Variants in OR5K1 observed in about 807,000 individuals in gnomAD.
The protein encoded by OR5K1 is olfactory receptor family 5 subfamily K member 1.
In OR5K1, 7 loss-of-function variants were observed where a neutral mutation model predicts 10.4. The ratio of observed to expected loss-of-function variants is 0.67; its 90% CI spans 0.38 to 1.26. The LOEUF is 1.26. Ranked by LOEUF, OR5K1 falls within the 50% of genes most tolerant of loss-of-function variation. OR5K1 has a pLI of 0.02. For synonymous variants in OR5K1, 135 were observed against 128.5 expected (o/e 1.05, Z -0.34); for missense variants, 435 against 366.2 (o/e 1.19, Z -1.53).
rs776451566 is a variant in OR5K1 at position 98,470,015 on chromosome 3, G to C, written c.439G>C (p.Gly147Arg). 6.2e-7 allele frequency: 1 copy of C among 1,613,672 alleles called. No individual in the cohort carries two copies. Among genetic ancestry groups the C allele is most frequent in the Admixed American group, 1.7e-5 (1 of 59,878 alleles). ...SKKLCIQMTT[G>R]AFIAGNLHSM... ...GAAACTCTGCATTCAGATGACCACA[G>C]GGGCCTTCATAGCTGGAAACCTGCA... Residue 147 changes from glycine (G) to arginine (R), a missense_variant, in exon 2 of 2, where the codon GGG (glycine) becomes CGG (arginine). Gly to Arg is a moderately radical substitution (Grantham distance 125). Transcript: ENST00000642057.
rs538596173 is a variant in OR5K1 at position 98,472,639 on chromosome 3, A to T, written c.*2136A>T. The T allele has an allele frequency of 6.6e-6, 1 of 152,126 alleles. No homozygotes were observed. Among genetic ancestry groups the T allele is most frequent in the Admixed American group, 6.6e-5 (1 of 15,234 alleles). 9.4% of individuals were successfully genotyped at this position (152,126 alleles called of 1,614,324 possible). On this transcript the variant is annotated 3_prime_UTR_variant, in exon 2 of 2. Transcript: ENST00000642057. ...TTTATGGAGTAAAATTGGACTCAAA[A>T]ATGAGACTCTGTCTTAGTCTATTCT...
At position 98,470,449 on chromosome 3, in the gene OR5K1, C is replaced by A. The variant is rs759952685; in HGVS notation, c.873C>A (p.Ser291Arg). 6.3e-7 allele frequency: 1 copy of A among 1,592,316 alleles called. No homozygotes were observed. Among genetic ancestry groups the A allele is most frequent in the Non-Finnish European group, 8.6e-7 (1 of 1,162,368 alleles). ...CCTTACTAAATCCTTTCATTTATAG[C>A]CTGAGAAATAGGGAAGTAATAAGTG... Reference protein sequence around the residue: ...VVPLLNPFIYSLRNREVISVL... With the variant: ...VVPLLNPFIYRLRNREVISVL... The change falls in exon 2 of 2, where the codon AGC (serine) becomes AGA (arginine). Residue 291 changes from serine to arginine, a missense_variant. Ser to Arg is a moderately radical substitution (Grantham distance 110). Transcript: ENST00000642057.
intron 1 of OR5K1, among the ~76,000 whole-genome samples, chr3:98,465,670 C>T (rs991182307): frequency 1.1e-4 from 17 of 152,040 alleles, no homozygotes; most frequent in Admixed American, 9.2e-4. Context: ...AATTATGTTT[C>T]TCTGATTAGT....
intron 1 of OR5K1, among the ~76,000 whole-genome samples, chr3:98,468,002 G>A (rs938467533): frequency 3.3e-5 from 5 of 152,086 alleles, no homozygotes; most frequent in Non-Finnish European, 5.9e-5. Context: ...AATGCTTCCA[G>A]TTTTTAACCT....
intron 1 of OR5K1, among the ~76,000 whole-genome samples, chr3:98,467,152 AG>A (rs1365081408): frequency 9.8e-6 from 1 of 102,302 alleles, no homozygotes; most frequent in Non-Finnish European, 1.9e-5. Flanking sequence ...TTTATTAAAT[AG>A]GGAATCCTTT....
In OR5K1 at chr3:98,469,738, G is replaced by C. The variant is rs1010608335; in HGVS notation, c.162G>C (p.Arg54=). The C allele has an allele frequency of 6.2e-7, 1 of 1,613,796 alleles. No homozygotes were observed. Among genetic ancestry groups the C allele is most frequent in the East Asian group, 2.2e-5 (1 of 44,862 alleles). Reference sequence around the variant, plus strand: ...TGGCACTGATATTTACACACCGTCGGCTTCACACACCAATGTACATCTTTC... The same window carrying C: ...TGGCACTGATATTTACACACCGTCGCCTTCACACACCAATGTACATCTTTC... ...SLVALIFTHR[R]LHTPMYIFLG... is the part of the protein sequence containing the mutation. Residue 54 remains arginine (R), a synonymous_variant, in exon 2 of 2, where the codon CGG becomes CGC. Transcript: ENST00000642057.
chr3:98,468,125 T>C (rs1316929323), intron 1 of OR5K1, among the ~76,000 whole-genome samples: 3 of 152,064 alleles, frequency 2.0e-5, no homozygotes, highest in African/African-American at 7.2e-5. Context: ...AGGCATTTTT[T>C]CTCATTTCCC....
chr3:98,470,018 G>A lies in OR5K1; in HGVS notation c.442G>A (p.Ala148Thr), dbSNP rs1200757531. The change falls in exon 2 of 2, where the codon GCC (alanine) becomes ACC (threonine). Residue 148 changes from alanine to threonine, a missense_variant. By Grantham distance (58) the Ala-to-Thr change is moderately conservative (BLOSUM62 0). Coordinates refer to ENST00000642057, the MANE Select transcript of OR5K1 (RefSeq NM_001004736.4). ...KKLCIQMTTGAFIAGNLHSMI... is the reference protein window; with the variant it reads ...KKLCIQMTTGTFIAGNLHSMI... ...ACTCTGCATTCAGATGACCACAGGG[G>A]CCTTCATAGCTGGAAACCTGCATTC... is the stretch of plus-strand genomic sequence containing the variant. 1 of 1,613,650 alleles carries A rather than the reference G, an allele frequency of 6.2e-7. No homozygotes were observed. Among genetic ancestry groups the A allele is most frequent in the East Asian group, 2.2e-5 (1 of 44,864 alleles).
At chr3:98,468,936 A>G (rs1705408434) in intron 1 of OR5K1, among the ~76,000 whole-genome samples, 2 of 152,242 alleles carry the variant, frequency 1.3e-5, no homozygotes, top group Non-Finnish European at 2.9e-5. Flanking sequence ...TCTTTCTGTC[A>G]AGACCTCAAA....
chr3:98,466,348 G>A (rs71311382), intron 1 of OR5K1, among the ~76,000 whole-genome samples: 22,159 of 110,678 alleles, frequency 0.2, 2,744 homozygotes, highest in East Asian at 0.42. Flanking sequence ...GAATAATGCC[G>A]CAGTAAACAT....
chr3:98,464,897 T>A (rs971953621), intron 1 of OR5K1, among the ~76,000 whole-genome samples: 6 of 152,180 alleles, frequency 3.9e-5, no homozygotes, highest in African/African-American at 1.4e-4. Context: ...GCTCAATGAA[T>A]CCATTGTAAC....
intron 1 of OR5K1, among the ~76,000 whole-genome samples, chr3:98,466,650 T>G (rs1200625559): frequency 8.8e-6 from 1 of 114,058 alleles, no homozygotes; most frequent in Non-Finnish European, 1.7e-5. Flanking sequence ...TGATGGCCAG[T>G]GATGATGAGC....
rs1025878290 is a variant in OR5K1, at chr3:98,471,813, A to G, written c.*1310A>G. 3.3e-5 allele frequency: 5 copies of G among 152,086 alleles called. No homozygotes were observed. The highest frequency in any genetic ancestry group is 6.6e-5 in the Admixed American group (1 of 15,248). 9.4% of individuals were successfully genotyped at this position (152,086 alleles called of 1,614,324 possible). ...ATGCTGAGTCTGTACAGAAAAAGTAATAGGAGAGCAGATGAATTTCCAATT... is the reference window on the plus strand; with the variant it reads ...ATGCTGAGTCTGTACAGAAAAAGTAGTAGGAGAGCAGATGAATTTCCAATT... On this transcript the variant is annotated 3_prime_UTR_variant, in exon 2 of 2. Coordinates refer to ENST00000642057, the MANE Select transcript of OR5K1 (RefSeq NM_001004736.4).
rs1488291737 is a variant in OR5K1 at position 98,471,597 on chromosome 3, T to G, written c.*1094T>G. ...TACAAAAAATGCCAGTTTTTCCATC[T>G]TCTCGAAGAATAGAATATTGCCACA... is the stretch of plus-strand genomic sequence containing the variant. On this transcript the variant is annotated 3_prime_UTR_variant, in exon 2 of 2. Transcript: ENST00000642057. 6.6e-6 allele frequency: 1 copy of G among 152,002 alleles called. No individual in the cohort carries two copies. Among genetic ancestry groups the G allele is most frequent in the Admixed American group, 6.6e-5 (1 of 15,232 alleles). 9.4% of individuals were successfully genotyped at this position (152,002 alleles called of 1,614,324 possible).
In OR5K1 at chr3:98,471,427, C is replaced by G. The variant is rs1705445996; in HGVS notation, c.*924C>G. ...TAATTTTTTTTTCTTTTCACTATTG[C>G]AAAACCTGAAGTTGGTATTGTGGGT... On this transcript the variant is annotated 3_prime_UTR_variant, in exon 2 of 2. Transcript: ENST00000642057. 1 of 151,784 alleles carries G rather than the reference C, an allele frequency of 6.6e-6. No individual in the cohort carries two copies. The highest frequency in any genetic ancestry group is 6.6e-5 in the Admixed American group (1 of 15,216). 9.4% of individuals were successfully genotyped at this position (151,784 alleles called of 1,614,324 possible).
rs1397278914 is a variant in OR5K1, at chr3:98,470,228, T to C, written c.652T>C (p.Tyr218His). Residue 218 changes from tyrosine to histidine, a missense_variant, in exon 2 of 2, where the codon TAT becomes CAT. Tyr to His is a moderately conservative substitution (Grantham distance 83, BLOSUM62 2). Coordinates refer to ENST00000642057, the MANE Select transcript of OR5K1 (RefSeq NM_001004736.4). Reference sequence around the variant, plus strand: ...TACCATAGGTAGTGTCTTAATATCTTATCTCTATATTCTTCTTACTATTTT... The same window carrying C: ...TACCATAGGTAGTGTCTTAATATCTCATCTCTATATTCTTCTTACTATTTT... ...VFTIGSVLIS[Y>H]LYILLTIFKM... 1.2e-5 allele frequency: 19 copies of C among 1,613,254 alleles called. No homozygotes were observed. Among genetic ancestry groups the C allele is most frequent in the Non-Finnish European group, 1.6e-5 (19 of 1,179,532 alleles).
rs1225288520 is a variant in OR5K1, at chr3:98,471,196, A to G, written c.*693A>G. On this transcript the variant is annotated 3_prime_UTR_variant, in exon 2 of 2. Transcript: ENST00000642057. ...ATCTACTCCCATATCTACCTGCATA[A>G]ATATACCATAACACAAACTTCCAGA... 3.9e-5 allele frequency: 6 copies of G among 152,020 alleles called. No individual in the cohort carries two copies. In the East Asian group the frequency reaches 1.2e-3, roughly 29 times the overall value. 9.4% of individuals were successfully genotyped at this position (152,020 alleles called of 1,614,324 possible).
rs1441067442 is a variant in OR5K1, at chr3:98,472,392, CT to C, written c.*1893del. On this transcript the variant is annotated 3_prime_UTR_variant, in exon 2 of 2. Transcript: ENST00000642057. ...GGATTTTGAAAGCTTACATGGGTCCCTTTTGAAGGTCCCTTTTGCACATAGG... is the reference window on the plus strand; with the variant it reads ...GGATTTTGAAAGCTTACATGGGTCCCTTTGAAGGTCCCTTTTGCACATAGG... 1 of 151,840 alleles carries C rather than the reference CT, an allele frequency of 6.6e-6. No homozygotes were observed. Among genetic ancestry groups the C allele is most frequent in the Non-Finnish European group, 1.5e-5 (1 of 67,926 alleles). The allele number at this position is 151,840 out of a possible 1,614,324, so 9.4% of individuals were successfully genotyped here.
At chr3:98,463,951 A>G (rs1705340118) in intron 1 of OR5K1, among the ~76,000 whole-genome samples, 1 of 152,158 alleles carries the variant, frequency 6.6e-6, no homozygotes, top group African/African-American at 2.4e-5. Flanking sequence ...TATTTTAAAA[A>G]TATTGATCTT....
Sources: gnomAD v4.1 joint callset for allele counts (sites outside exome capture counted in the v4.1 genomes callset) on GRCh38, gnomAD v4.1.1 for gene constraint, MANE v1.5 for transcripts, NCBI Gene and HGNC (gene_info 2026-07-23, HGNC 2026-07-21) for gene names.